ADAMTS16: variants seen among roughly 807,000 people sequenced by gnomAD.
ADAMTS16 encodes the protein ADAM metallopeptidase with thrombospondin type 1 motif 16.
In ADAMTS16, 94 loss-of-function variants were observed where a neutral mutation model predicts 145.8. That is an observed-to-expected ratio of 0.64 (90% CI 0.55 to 0.77). ADAMTS16 has a LOEUF of 0.77. Among genes scored for constraint, ADAMTS16 ranks in the 30% least tolerant of loss-of-function variants. The pLI, the probability that ADAMTS16 is intolerant of heterozygous loss-of-function variation, is 0.00. For synonymous variants in ADAMTS16, 659 were observed against 604.3 expected, an observed-to-expected ratio of 1.09 and a Z score of -1.33; for missense variants, 1,585 against 1,591.5, an observed-to-expected ratio of 1.00 and a Z score of 0.07.
At chr5:5,163,331 G>A (rs891194724) in intron 3 of ADAMTS16, among the ~76,000 whole-genome samples, 3 of 152,164 alleles carry the variant, frequency 2.0e-5, no homozygotes, top group African/African-American at 7.2e-5. Context: ...GTTTGGCTGT[G>A]TCCCCACCCA....
chr5:5,282,553 T>C (rs2126474031), intron 18 of ADAMTS16, among the ~76,000 whole-genome samples: 1 of 152,316 alleles, frequency 6.6e-6, no homozygotes, highest in East Asian at 1.9e-4. Context: ...CCTGTGGCGC[T>C]GGCTTCTCCT....
At chr5:5,280,494 A>G (rs1738861472) in intron 18 of ADAMTS16, among the ~76,000 whole-genome samples, 1 of 152,202 alleles carries the variant, frequency 6.6e-6, no homozygotes, top group African/African-American at 2.4e-5. Context: ...ATGTGTGCCT[A>G]GTACTCTGAA....
At chr5:5,199,082 C>G (rs1735884579) in intron 8 of ADAMTS16, among the ~76,000 whole-genome samples, 1 of 152,094 alleles carries the variant, frequency 6.6e-6, no homozygotes, top group African/African-American at 2.4e-5. Context: ...ACAAGAGCTC[C>G]CAAGGAAGTA....
Position 5,291,853 on chromosome 5 carries a change from G to A in ADAMTS16, c.2790-11415G>A, listed in dbSNP as rs191749777. ...CTGAAACACAGGTACATTATGGTGA[G>A]CCCAAAAGGAAACTTCTAGTGATGT... On this transcript the variant is annotated intron_variant, in intron 18 of 22. Transcript: ENST00000274181. Among the ~76,000 whole-genome samples the A allele has an allele frequency of 2.2e-3, 337 of 152,258 alleles. 3 individuals carry two copies. Among genetic ancestry groups the A allele is most frequent in the Non-Finnish European group, 6.5e-4 (44 of 68,028 alleles).
At chr5:5,267,135 C>G (rs554734498) in intron 18 of ADAMTS16, among the ~76,000 whole-genome samples, 1 of 152,154 alleles carries the variant, frequency 6.6e-6, no homozygotes, top group African/African-American at 2.4e-5. Flanking sequence ...TGGCCCACTG[C>G]TCAAACCTCT....
At chr5:5,250,705 C>CTG (rs1342870465) in intron 17 of ADAMTS16, among the ~76,000 whole-genome samples, 3 of 4,030 alleles carry the variant, frequency 7.4e-4, no homozygotes, top group African/African-American at 1.2e-3. Flanking sequence ...TCTGTCTCTT[C>CTG]TCTCTGTGTG....
At position 5,235,168 on chromosome 5, in the gene ADAMTS16, C is replaced by T. The variant is rs771024918; in HGVS notation, c.2005C>T (p.Pro669Ser). ...RFRGRHYKWK[P>S]YTQVEDQDLC... The stretch of plus-strand genomic sequence containing the variant: ...CAGAGGGCGGCACTACAAGTGGAAG[C>T]CTTACACTCAAGTAGAAGGTAAATC... Residue 669 changes from proline to serine, a missense_variant, in exon 13 of 23, where the codon CCT becomes TCT. Physicochemically the swap from Pro to Ser is moderately conservative, Grantham distance 74. Transcript: ENST00000274181. 6.3e-7 allele frequency: 1 copy of T among 1,575,548 alleles called. No individual in the cohort carries two copies. The highest frequency in any genetic ancestry group is 8.7e-7 in the Non-Finnish European group (1 of 1,150,944).
rs924507580 is a variant in ADAMTS16 at position 5,162,966 on chromosome 5, T to C, written c.501+16511T>C. 4.6e-5 allele frequency among the ~76,000 whole-genome samples: 7 copies of C among 152,114 alleles called. 1 individual carries two copies. The highest frequency in any genetic ancestry group is 1.7e-4 in the African/African-American group (7 of 41,410). ...GCATTTATTGTGGACATAACAGCAA[T>C]AGTTCCAACAGCATTATTTCCATTT... On this transcript the variant is annotated intron_variant, in intron 3 of 22. Coordinates refer to ENST00000274181, the MANE Select transcript of ADAMTS16 (RefSeq NM_139056.4).
chr5:5,316,825 G>C (rs188314763), intron 21 of ADAMTS16, among the ~76,000 whole-genome samples: 2 of 152,240 alleles, frequency 1.3e-5, no homozygotes, highest in East Asian at 3.9e-4. Context: ...CACCAGAAAG[G>C]GTGGCTTGTC....
intron 18 of ADAMTS16, among the ~76,000 whole-genome samples, chr5:5,282,561 C>T (rs1291731557): frequency 6.6e-6 from 1 of 152,212 alleles, no homozygotes; most frequent in Non-Finnish European, 1.5e-5. Context: ...GCTGGCTTCT[C>T]CTCCCCACTG....
chr5:5,285,560 C>T (rs979879636), intron 18 of ADAMTS16, among the ~76,000 whole-genome samples: 1 of 152,222 alleles, frequency 6.6e-6, no homozygotes, highest in Non-Finnish European at 1.5e-5. Context: ...ATAATCAAAG[C>T]TACCACACAG....
At chr5:5,308,688 C>T (rs1740287437) in intron 21 of ADAMTS16, among the ~76,000 whole-genome samples, 1 of 152,160 alleles carries the variant, frequency 6.6e-6, no homozygotes, top group Non-Finnish European at 1.5e-5. Flanking sequence ...AGATAGGATC[C>T]CTGTAATCCC....
chr5:5,147,910 G>C (rs1483091742), intron 3 of ADAMTS16, among the ~76,000 whole-genome samples: 1 of 152,150 alleles, frequency 6.6e-6, no homozygotes, highest in Non-Finnish European at 1.5e-5. Context: ...AGCTCCCTGA[G>C]GCCCCTGGGT....
rs745974617 is a variant in ADAMTS16 at position 5,242,161 on chromosome 5, C to T, written c.2632C>T (p.Arg878Cys). The T allele has an allele frequency of 1.6e-5, 26 of 1,614,022 alleles. No homozygotes were observed. Among genetic ancestry groups the T allele is most frequent in the African/African-American group, 4.0e-5 (3 of 74,938 alleles). Residue 878 changes from arginine to cysteine, a missense_variant, in exon 17 of 23, where the codon CGC (arginine) becomes TGC (cysteine). Arg to Cys is a radical substitution (Grantham distance 180, BLOSUM62 -3). Around this residue, in one of 3 missense-constraint regions of ADAMTS16, gnomAD observed 834 missense variants for 811.7 expected, o/e 1.03. Coordinates refer to ENST00000274181, the MANE Select transcript of ADAMTS16 (RefSeq NM_139056.4). ...GCCCAGCTACACTTGGGCCATCGTG[C>T]GCTCTGAGTGCTCCGTGTCCTGCGG... ...AQPSYTWAIV[R>C]SECSVSCGGG...
intron 17 of ADAMTS16, among the ~76,000 whole-genome samples, chr5:5,255,826 T>C (rs1435758386): frequency 2.0e-5 from 3 of 152,246 alleles, no homozygotes; most frequent in Non-Finnish European, 4.4e-5. Context: ...CTATATCAGA[T>C]CCCTCTTTCT....
intron 4 of ADAMTS16, 113 bp downstream of exon 4, chr5:5,182,418 A>G: frequency 1.5e-6 from 2 of 1,375,020 alleles, no homozygotes; most frequent in Non-Finnish European, 2.0e-6. Context: ...AAATCTATGG[A>G]CTGTCGTTGC....
In ADAMTS16 at chr5:5,162,019, ATACTTGTAAT is replaced by A. The variant is rs1734753859; in HGVS notation, c.501+15565_501+15574del. Among the ~76,000 whole-genome samples, 4 of 152,376 alleles carry A rather than the reference ATACTTGTAAT, an allele frequency of 2.6e-5. 1 individual carries two copies. In the South Asian group the frequency reaches 8.3e-4, roughly 32 times the overall value. On this transcript the variant is annotated intron_variant, in intron 3 of 22. Coordinates refer to ENST00000274181, the MANE Select transcript of ADAMTS16 (RefSeq NM_139056.4). ...CTTTAGTGTACCCCAGTACCAAGGC[ATACTTGTAAT>A]CTAATTTCCATACTTGGTTGTTATG...
chr5:5,293,588 C>T (rs1172916949), intron 18 of ADAMTS16, among the ~76,000 whole-genome samples: 1 of 152,154 alleles, frequency 6.6e-6, no homozygotes, highest in Non-Finnish European at 1.5e-5. Context: ...TGAGAGGGGG[C>T]TTCTCTGTCC....
chr5:5,225,533 CGG>C (rs1736735690), intron 11 of ADAMTS16, among the ~76,000 whole-genome samples: 1 of 151,322 alleles, frequency 6.6e-6, no homozygotes, highest in African/African-American at 2.4e-5. Context: ...AACCCGGAGA[CGG>C]AGGTTGCAGT....
Sources: gnomAD v4.1 joint callset for allele counts (sites outside exome capture counted in the v4.1 genomes callset) on GRCh38, gnomAD v4.1.1 for gene constraint, gnomAD v4.1.1 regional missense constraint, MANE v1.5 for transcripts, NCBI Gene and HGNC (gene_info 2026-07-23, HGNC 2026-07-21) for gene names.